CCDC148: variants seen among roughly 807,000 people sequenced by gnomAD.
The protein encoded by CCDC148 is coiled-coil domain containing 148.
A neutral mutation model predicts 85.7 loss-of-function variants in CCDC148; 89 were observed. That is an observed-to-expected ratio of 1.04 (90% CI 0.87 to 1.24). The LOEUF is 1.24. Among genes scored for constraint, CCDC148 ranks in the 50% most tolerant of loss-of-function variants. The pLI is 0.00. For synonymous variants in CCDC148, 230 were observed against 213.9 expected, an observed-to-expected ratio of 1.08 and a Z score of -0.66; for missense variants, 692 against 671.7, an observed-to-expected ratio of 1.03 and a Z score of -0.33.
chr2:158,414,596 T>C (rs1686412089), intron 1 of CCDC148, among the ~76,000 whole-genome samples: 1 of 151,298 alleles, frequency 6.6e-6, no homozygotes, highest in Admixed American at 6.6e-5. Flanking sequence ...AAAAGAATAA[T>C]GTGTGCTAGG....
chr2:158,232,279 T>C (rs1687891855), intron 10 of CCDC148, among the ~76,000 whole-genome samples: 9 of 152,164 alleles, frequency 5.9e-5, no homozygotes, highest in Admixed American at 5.9e-4. Flanking sequence ...ATAAATACTG[T>C]AGAAATAAAA....
chr2:158,361,719 C>T (rs1056289618), intron 1 of CCDC148, among the ~76,000 whole-genome samples: 13 of 152,160 alleles, frequency 8.5e-5, no homozygotes, highest in Non-Finnish European at 8.8e-5. Context: ...ACTGCAAACA[C>T]GTAGCAAATT....
intron 10 of CCDC148, chr2:158,236,065 T>A (rs971746014): frequency 6.6e-6 from 1 of 152,232 alleles, no homozygotes; most frequent in Non-Finnish European, 1.5e-5. Context: ...GTGATACGAC[T>A]CAGGGAGAAG....
intron 11 of CCDC148, among the ~76,000 whole-genome samples, chr2:158,201,516 C>G (rs933254326): frequency 2.6e-5 from 4 of 151,950 alleles, no homozygotes; most frequent in Non-Finnish European, 4.4e-5. Flanking sequence ...CTCAAGTGAC[C>G]GTCCCACCTC....
At chr2:158,366,312 G>A (rs762352253) in intron 1 of CCDC148, among the ~76,000 whole-genome samples, 15 of 151,794 alleles carry the variant, frequency 9.9e-5, no homozygotes, top group Admixed American at 3.9e-4. Flanking sequence ...ATCCTCCTCC[G>A]CTGGATTGTT....
chr2:158,333,847 A>T (rs1693280906), intron 7 of CCDC148, among the ~76,000 whole-genome samples: 1 of 152,024 alleles, frequency 6.6e-6, no homozygotes, highest in South Asian at 2.1e-4. Context: ...TAAGTCTTGA[A>T]GTTGGGTAGT....
intron 7 of CCDC148, among the ~76,000 whole-genome samples, chr2:158,315,599 C>T (rs1692241349): frequency 6.6e-6 from 1 of 152,052 alleles, no homozygotes; most frequent in Non-Finnish European, 1.5e-5. Context: ...TTCTCTGTTC[C>T]TCTAAATTGT....
In CCDC148 at chr2:158,431,079, GA is replaced by G. The variant is rs533965323; in HGVS notation, c.25+25335del. On this transcript the variant is annotated intron_variant, in intron 1 of 13. Coordinates refer to ENST00000283233, the MANE Select transcript of CCDC148 (RefSeq NM_138803.4). Reference sequence around the variant, plus strand: ...ACCAAAAAATTAACAGAACCTCAATGATATATCAGATAATACCAAGAATACT... The same window carrying G: ...ACCAAAAAATTAACAGAACCTCAATGTATATCAGATAATACCAAGAATACT... Among the ~76,000 whole-genome samples, 577 of 151,766 alleles carry G rather than the reference GA, an allele frequency of 3.8e-3. 2 individuals carry two copies. Among genetic ancestry groups the G allele is most frequent in the African/African-American group, 0.013 (555 of 41,400 alleles).
At chr2:158,174,317 T>C (rs1684465306) in intron 13 of CCDC148, among the ~76,000 whole-genome samples, 1 of 151,986 alleles carries the variant, frequency 6.6e-6, no homozygotes, top group Admixed American at 6.6e-5. Context: ...GCTCTTAATA[T>C]TACTTGTTGT....
At chr2:158,236,608 A>G (rs1485825680) in intron 10 of CCDC148, among the ~76,000 whole-genome samples, 1 of 152,144 alleles carries the variant, frequency 6.6e-6, no homozygotes, top group Non-Finnish European at 1.5e-5. Context: ...ATGACTTAGA[A>G]CCAAGGTGAT....
intron 2 of CCDC148, among the ~76,000 whole-genome samples, chr2:158,353,919 AAT>A: frequency 6.6e-6 from 1 of 152,334 alleles, no homozygotes; most frequent in South Asian, 2.1e-4. Flanking sequence ...CAGGATTAAG[AAT>A]CTCACTCAAA....
chr2:158,179,593 A>C (rs1444590798), intron 11 of CCDC148, among the ~76,000 whole-genome samples: 30 of 152,094 alleles, frequency 2.0e-4, no homozygotes, highest in Admixed American at 2.0e-3. Context: ...TGACTGGCTC[A>C]CTTTCAAGTG....
intron 13 of CCDC148, among the ~76,000 whole-genome samples, chr2:158,173,245 C>T (rs1400885737): frequency 1.3e-5 from 2 of 151,936 alleles, no homozygotes; most frequent in African/African-American, 4.8e-5. Context: ...CACCTACAAA[C>T]TCAGAGGTGA....
chr2:158,279,636 A>C (rs1194826227), intron 9 of CCDC148, among the ~76,000 whole-genome samples: 2 of 152,218 alleles, frequency 1.3e-5, no homozygotes, highest in African/African-American at 4.8e-5. Flanking sequence ...TGAAAAGACC[A>C]AATCTACATC....
chr2:158,233,128 C>T (rs778864417), intron 10 of CCDC148, among the ~76,000 whole-genome samples: 1 of 152,036 alleles, frequency 6.6e-6, no homozygotes, highest in East Asian at 1.9e-4. Context: ...CCAGGTACCC[C>T]AGAAATTTGT....
chr2:158,226,229 C>T (rs1319489694), intron 10 of CCDC148, among the ~76,000 whole-genome samples: 4 of 152,128 alleles, frequency 2.6e-5, no homozygotes, highest in Non-Finnish European at 5.9e-5. Flanking sequence ...TTCCTCAACA[C>T]ATACACCCTC....
At chr2:158,423,564 T>C (rs1216318145) in intron 1 of CCDC148, among the ~76,000 whole-genome samples, 1 of 152,072 alleles carries the variant, frequency 6.6e-6, no homozygotes, top group Admixed American at 6.6e-5. Flanking sequence ...CAAAACTTAA[T>C]TCAAGATGGA....
At chr2:158,360,014 G>C (rs1683860979) in intron 1 of CCDC148, among the ~76,000 whole-genome samples, 1 of 152,204 alleles carries the variant, frequency 6.6e-6, no homozygotes, top group African/African-American at 2.4e-5. Context: ...CATTACTAAG[G>C]CTTGAGTAGG....
intron 10 of CCDC148, among the ~76,000 whole-genome samples, chr2:158,241,197 G>A (rs995069987): frequency 1.3e-5 from 2 of 152,144 alleles, no homozygotes; most frequent in Admixed American, 6.5e-5. Flanking sequence ...GTGTACACAT[G>A]CATATACATA....
Sources: gnomAD v4.1 joint callset for allele counts (sites outside exome capture counted in the v4.1 genomes callset) on GRCh38, gnomAD v4.1.1 for gene constraint, MANE v1.5 for transcripts, NCBI Gene and HGNC (gene_info 2026-07-23, HGNC 2026-07-21) for gene names.